Variants in GALNT18 observed in about 807,000 individuals in gnomAD.
GALNT18 encodes the protein GalNAc-transferase 18.
Under a neutral mutation model 69.5 loss-of-function variants are expected in GALNT18, and 44 were observed. That is an observed-to-expected ratio of 0.63 (90% CI 0.50 to 0.81). The LOEUF is 0.81. GALNT18 is among the 40% of genes least tolerant of loss of function. The probability of loss-of-function intolerance (pLI) is 0.00; values close to 1 mark genes in which losing one functional copy is unlikely to be tolerated. For missense variants in GALNT18, 715 were observed against 810.0 expected (o/e 0.88, Z 1.42); for synonymous variants, 364 against 318.2 (o/e 1.14, Z -1.53).
intron 10 of GALNT18, among the ~76,000 whole-genome samples, chr11:11,273,598 T>A (rs1848871944): frequency 6.6e-6 from 1 of 152,158 alleles, no homozygotes; most frequent in Admixed American, 6.5e-5. Flanking sequence ...TTGGTGGGAA[T>A]GAAAATTATT....
At chr11:11,532,030 T>C (rs187554246) in intron 1 of GALNT18, among the ~76,000 whole-genome samples, 13 of 152,296 alleles carry the variant, frequency 8.5e-5, no homozygotes, top group Middle Eastern at 3.4e-3. Flanking sequence ...TCCTGAACTT[T>C]CAAGGCTGAC....
chr11:11,382,002 C>T lies in GALNT18; in HGVS notation c.596-2738G>A, dbSNP rs1459575082. Reference sequence around the variant, plus strand: ...ACTCCTGATGCACAGGAAATGCAATCAGAGGAAGAATGAGCTTTGAGGGGT... The same window carrying T: ...ACTCCTGATGCACAGGAAATGCAATTAGAGGAAGAATGAGCTTTGAGGGGT... On this transcript the variant is annotated intron_variant, in intron 3 of 10. Transcript: ENST00000227756. The surrounding 1 kb of genome is among the most constrained non-coding windows in gnomAD (Gnocchi z 4.3). Among the ~76,000 whole-genome samples, 1 of 152,172 alleles carries T rather than the reference C, an allele frequency of 6.6e-6. No individual in the cohort carries two copies. Among genetic ancestry groups the T allele is most frequent in the Non-Finnish European group, 1.5e-5 (1 of 68,038 alleles).
chr11:11,352,145 G>A, intron 6 of GALNT18: 1 of 1,613,592 alleles, frequency 6.2e-7, no homozygotes, highest in Non-Finnish European at 8.5e-7. Context: ...TCACAACAGT[G>A]TAGAAATAGG....
chr11:11,299,036 T>C (rs1366558542), intron 9 of GALNT18, among the ~76,000 whole-genome samples: 1 of 152,198 alleles, frequency 6.6e-6, no homozygotes, highest in African/African-American at 2.4e-5. Context: ...ATTATGTCAA[T>C]AGTTTTTGGG....
intron 9 of GALNT18, among the ~76,000 whole-genome samples, chr11:11,307,965 G>C (rs974825540): frequency 9.9e-5 from 15 of 152,242 alleles, no homozygotes; most frequent in African/African-American, 3.4e-4. Context: ...AAAGCTGGGG[G>C]CCAGGGGTGA....
chr11:11,320,691 C>T lies in GALNT18; in HGVS notation c.1512+6395G>A, dbSNP rs1210283065. On this transcript the variant is annotated intron_variant, in intron 9 of 10. Coordinates refer to ENST00000227756, the MANE Select transcript of GALNT18 (RefSeq NM_198516.3). This position sits in a 1 kb window ranked among gnomAD's most constrained non-coding sequence, Gnocchi z 4.9. ...AGCCTTGCCAGACAGCAGCCCCTTA[C>T]CTTTCACTCATCCCCTGCCCCTGCG... 1.3e-5 allele frequency among the ~76,000 whole-genome samples: 2 copies of T among 152,194 alleles called. No homozygotes were observed. Among genetic ancestry groups the T allele is most frequent in the African/African-American group, 2.4e-5 (1 of 41,454 alleles).
rs537408924 is a variant in GALNT18, at chr11:11,542,596, G to A, written c.235+78763C>T. Among the ~76,000 whole-genome samples the A allele has an allele frequency of 1.3e-5, 2 of 152,356 alleles. No homozygotes were observed. The highest frequency in any genetic ancestry group is 1.9e-4 in the East Asian group (1 of 5,192). Reference sequence around the variant, plus strand: ...AGAAGAAGGAACTAGGTGTCAAAAAGAGAATGTAGAGTAAAGAGGTCAAGA... The same window carrying A: ...AGAAGAAGGAACTAGGTGTCAAAAAAAGAATGTAGAGTAAAGAGGTCAAGA... On this transcript the variant is annotated intron_variant, in intron 1 of 10. Transcript: ENST00000227756. This position sits in a 1 kb window ranked among gnomAD's most constrained non-coding sequence, Gnocchi z 4.3.
chr11:11,335,174 C>T (rs901392727), intron 7 of GALNT18, among the ~76,000 whole-genome samples: 4 of 152,194 alleles, frequency 2.6e-5, no homozygotes, highest in Admixed American at 1.3e-4. Context: ...TCTTTCTGCA[C>T]TTAGGAACAG....
chr11:11,536,728 C>T (rs1315499613), intron 1 of GALNT18, among the ~76,000 whole-genome samples: 1 of 152,040 alleles, frequency 6.6e-6, no homozygotes, highest in Non-Finnish European at 1.5e-5. Context: ...AAGAGAAGGA[C>T]TTACAGACTC....
chr11:11,442,147 G>T (rs558529264), intron 2 of GALNT18, among the ~76,000 whole-genome samples: 6 of 152,246 alleles, frequency 3.9e-5, no homozygotes, highest in African/African-American at 1.4e-4. Flanking sequence ...CCAGCAACTT[G>T]AGGCTGCTCA....
chr11:11,512,706 TGCTACGGAGAGTCTGGCG>T (rs1857188532), intron 1 of GALNT18, among the ~76,000 whole-genome samples: 1 of 152,216 alleles, frequency 6.6e-6, no homozygotes. Flanking sequence ...GTTTAGAAGG[TGCTACGGAGAGTCTGGCG>T]GCACCTGAGG....
At chr11:11,287,253 G>A (rs1849211567) in intron 10 of GALNT18, among the ~76,000 whole-genome samples, 1 of 151,934 alleles carries the variant, frequency 6.6e-6, no homozygotes, top group Admixed American at 6.5e-5. Flanking sequence ...ACATATAGAT[G>A]GACTTTCAGA....
intron 3 of GALNT18, among the ~76,000 whole-genome samples, chr11:11,393,418 CTGTTTGTT>C (rs375508897): frequency 6.6e-6 from 1 of 152,178 alleles, no homozygotes; most frequent in Non-Finnish European, 1.5e-5. Flanking sequence ...GTGTATTTTT[CTGTTTGTT>C]TGTTTGTTTG....
Position 11,382,593 on chromosome 11 carries a change from T to G in GALNT18, c.596-3329A>C, listed in dbSNP as rs373505959. 5.3e-5 allele frequency among the ~76,000 whole-genome samples: 8 copies of G among 152,330 alleles called. No homozygotes were observed. The East Asian group carries it at 1.5e-3, about 29-fold the overall frequency. ...AACACAAGTACCCAGCCCATCATAT[T>G]TGCCTTCTTGCTAAGGCTGCCAGGA... On this transcript the variant is annotated intron_variant, in intron 3 of 10. Transcript: ENST00000227756. This position sits in a 1 kb window ranked among gnomAD's most constrained non-coding sequence, Gnocchi z 4.3.
chr11:11,386,021 C>T (rs1854048972), intron 3 of GALNT18, among the ~76,000 whole-genome samples: 1 of 152,120 alleles, frequency 6.6e-6, no homozygotes, highest in African/African-American at 2.4e-5. Context: ...GCCAGCAAAG[C>T]ACCAGAAGCT....
intron 3 of GALNT18, among the ~76,000 whole-genome samples, chr11:11,384,695 T>C (rs1854007261): frequency 6.6e-6 from 1 of 152,206 alleles, no homozygotes; most frequent in Admixed American, 6.5e-5. Context: ...GTGAGCAGTC[T>C]GTGACCTGGA....
At chr11:11,507,863 A>G (rs1286174805) in intron 1 of GALNT18, among the ~76,000 whole-genome samples, 3 of 152,330 alleles carry the variant, frequency 2.0e-5, no homozygotes, top group East Asian at 1.9e-4. Flanking sequence ...AAGAACCTGG[A>G]AAGACTACAC....
At chr11:11,312,251 TG>T (rs1202789514) in intron 9 of GALNT18, among the ~76,000 whole-genome samples, 2 of 152,204 alleles carry the variant, frequency 1.3e-5, no homozygotes, top group African/African-American at 4.8e-5. Flanking sequence ...GCCCGGCCCA[TG>T]TATAACTTTT....
chr11:11,621,894 T>A lies in GALNT18; in HGVS notation c.-301A>T, dbSNP rs1860203302. 1 of 252,920 alleles carries A rather than the reference T, an allele frequency of 4.0e-6. No homozygotes were observed. The highest frequency in any genetic ancestry group is 7.5e-6 in the Non-Finnish European group (1 of 133,280). 15.7% of individuals were successfully genotyped at this position (252,920 alleles called of 1,614,324 possible). ...GGTAGCCGGCAGCCGCGCGTCCAGA[T>A]GTGTACGTCTGGGAAACTTTGCCAC... On this transcript the variant is annotated 5_prime_UTR_variant, in exon 1 of 11. Coordinates refer to ENST00000227756, the MANE Select transcript of GALNT18 (RefSeq NM_198516.3). This position sits in a 1 kb window ranked among gnomAD's most constrained non-coding sequence, Gnocchi z 9.3.
Sources: gnomAD v4.1 joint callset for allele counts (sites outside exome capture counted in the v4.1 genomes callset) on GRCh38, gnomAD v4.1.1 for gene constraint, Gnocchi (gnomAD v3.1) non-coding constraint, MANE v1.5 for transcripts, NCBI Gene and HGNC (gene_info 2026-07-23, HGNC 2026-07-21) for gene names.